The following PEX14 variants were observed in gnomAD, a reference collection of about 807,000 sequenced individuals.
The protein encoded by PEX14 is peroxisomal membrane protein PEX14.
Under a neutral mutation model 49.5 loss-of-function variants are expected in PEX14, and 15 were observed. The ratio of observed to expected loss-of-function variants is 0.30; its 90% CI spans 0.20 to 0.47. The LOEUF (loss-of-function observed/expected upper bound fraction) is 0.47. Ranked by LOEUF, PEX14 falls within the 20% of genes least tolerant of loss-of-function variation. The pLI is 1.00. For synonymous variants in PEX14, 210 were observed against 212.7 expected (o/e 0.99, Z 0.11); for missense variants, 398 against 494.8 (o/e 0.80, Z 1.86).
intron 2 of PEX14, among the ~76,000 whole-genome samples, chr1:10,497,187 C>T (rs1181883567): frequency 1.3e-5 from 2 of 152,168 alleles, no homozygotes; most frequent in African/African-American, 2.4e-5. Context: ...TAAACGGGGG[C>T]ACCAGCTGAG....
intron 3 of PEX14, among the ~76,000 whole-genome samples, chr1:10,582,660 CAG>C (rs1369970450): frequency 2.6e-5 from 4 of 152,140 alleles, no homozygotes; most frequent in African/African-American, 7.2e-5. Flanking sequence ...TAAGGCATAT[CAG>C]GGGCTGATGA....
chr1:10,546,461 A>G (rs1216179171), intron 3 of PEX14, among the ~76,000 whole-genome samples: 1 of 147,216 alleles, frequency 6.8e-6, no homozygotes, highest in East Asian at 2.1e-4. Flanking sequence ...GCTACTTTGG[A>G]GGCTGAGGCA....
chr1:10,519,593 G>C (rs2506884), intron 2 of PEX14, among the ~76,000 whole-genome samples: 123,313 of 152,120 alleles, frequency 0.81, 50,090 homozygotes, highest in Non-Finnish European at 0.83. Context: ...TTCGGTGTAA[G>C]ACTGTGCTGG....
intron 3 of PEX14, among the ~76,000 whole-genome samples, chr1:10,582,364 A>G (rs1018877088): frequency 6.6e-6 from 1 of 152,198 alleles, no homozygotes; most frequent in Non-Finnish European, 1.5e-5. Flanking sequence ...GGATACAGTA[A>G]TGAATAAGGC....
chr1:10,508,362 A>T (rs1197368280), intron 2 of PEX14, among the ~76,000 whole-genome samples: 1 of 151,968 alleles, frequency 6.6e-6, no homozygotes, highest in African/African-American at 2.4e-5. Flanking sequence ...GCCCGCCACC[A>T]TGCCCTGCTA....
intron 2 of PEX14, among the ~76,000 whole-genome samples, chr1:10,503,299 A>G (rs1641717743): frequency 6.8e-6 from 1 of 147,112 alleles, no homozygotes; most frequent in South Asian, 2.1e-4. Context: ...AAAAAAAAAA[A>G]AAAAAAAGAA....
At chr1:10,564,001 A>G (rs1481066674) in intron 3 of PEX14, among the ~76,000 whole-genome samples, 1 of 108,720 alleles carries the variant, frequency 9.2e-6, no homozygotes, top group Non-Finnish European at 2.1e-5. Context: ...AAGGTGAAAC[A>G]TGTTTTTATC....
intron 1 of PEX14, among the ~76,000 whole-genome samples, chr1:10,487,955 A>G (rs901475123): frequency 8.0e-5 from 12 of 150,564 alleles, no homozygotes; most frequent in African/African-American, 2.7e-4. Context: ...TAATTTTTGT[A>G]TTTTTAATTG....
chr1:10,577,584 T>A (rs1272037736), intron 3 of PEX14, among the ~76,000 whole-genome samples: 962 of 19,292 alleles, frequency 0.05, 87 homozygotes, highest in Non-Finnish European at 0.066. Flanking sequence ...TTTTTTTTTT[T>A]TTTTTTTTTT....
At chr1:10,488,242 C>T (rs780648670) in intron 1 of PEX14, among the ~76,000 whole-genome samples, 12 of 151,568 alleles carry the variant, frequency 7.9e-5, no homozygotes, top group South Asian at 2.1e-4. Context: ...CTACAACCTC[C>T]GCCTCCTGAA....
At chr1:10,581,267 G>T (rs1359812657) in intron 3 of PEX14, among the ~76,000 whole-genome samples, 1 of 150,962 alleles carries the variant, frequency 6.6e-6, no homozygotes, top group East Asian at 2.0e-4. Flanking sequence ...CATTCTTGTT[G>T]CCTCTGACCT....
In PEX14 at chr1:10,629,955, G is replaced by A. The variant is rs2124651086; in HGVS notation, c.1102G>A (p.Glu368Lys). The change falls in exon 9 of 9, where the codon GAG (glutamate) becomes AAG (lysine). Residue 368 changes from glutamate to lysine, a missense_variant. This residue lies in a region of PEX14 where 140 missense variants were observed against 155.5 expected (regional missense o/e 0.90). Coordinates refer to ENST00000356607, the MANE Select transcript of PEX14 (RefSeq NM_004565.3). This position sits in a 1 kb window ranked among gnomAD's most constrained non-coding sequence, Gnocchi z 8.5. ...NEQVEKLRRP[E>K]GASNESERD ...GCAGGTGGAGAAGCTGCGGCGGCCC[G>A]AGGGCGCCAGCAACGAGAGTGAGCG... is the stretch of plus-strand genomic sequence containing the variant. The A allele has an allele frequency of 1.9e-6, 3 of 1,611,232 alleles. No homozygotes were observed. The highest frequency in any genetic ancestry group is 2.2e-5 in the East Asian group (1 of 44,786).
At chr1:10,541,493 T>TG (rs548945886) in intron 3 of PEX14, among the ~76,000 whole-genome samples, 1 of 152,176 alleles carries the variant, frequency 6.6e-6, no homozygotes, top group Non-Finnish European at 1.5e-5. Flanking sequence ...GCAGAGCCTC[T>TG]GGGGGCGGGG....
At chr1:10,486,812 G>A (rs1641377552) in intron 1 of PEX14, among the ~76,000 whole-genome samples, 1 of 151,270 alleles carries the variant, frequency 6.6e-6, no homozygotes, top group African/African-American at 2.4e-5. Context: ...TCAGCCTCCT[G>A]AGTAGCTGGG....
At chr1:10,530,708 TCA>T (rs1638625706) in intron 2 of PEX14, among the ~76,000 whole-genome samples, 1 of 152,244 alleles carries the variant, frequency 6.6e-6, no homozygotes. Context: ...TGAGTTGCAG[TCA>T]CACTCTGAGA....
intron 3 of PEX14, among the ~76,000 whole-genome samples, chr1:10,543,277 G>T (rs1639071957): frequency 6.6e-6 from 1 of 152,216 alleles, no homozygotes; most frequent in African/African-American, 2.4e-5. Flanking sequence ...TGGGATTACA[G>T]GGGCCTGCCA....
intron 3 of PEX14, among the ~76,000 whole-genome samples, chr1:10,592,603 C>T (rs1640701250): frequency 6.6e-6 from 1 of 152,128 alleles, no homozygotes; most frequent in Non-Finnish European, 1.5e-5. Context: ...AAGTTTCCTC[C>T]TTATGTGGAA....
intron 3 of PEX14, among the ~76,000 whole-genome samples, chr1:10,558,736 CAAA>C (rs34343338): frequency 1.6e-4 from 18 of 113,430 alleles, no homozygotes; most frequent in Non-Finnish European, 1.1e-4. Context: ...GACCCTGTCT[CAAA>C]AAAAAAAAAA....
At chr1:10,546,522 C>G (rs746531649) in intron 3 of PEX14, among the ~76,000 whole-genome samples, 1 of 143,840 alleles carries the variant, frequency 7.0e-6, no homozygotes. Flanking sequence ...TGAGATTGCG[C>G]CATTGCACTC....
Sources: allele counts gnomAD v4.1 joint callset (sites outside exome capture counted in the v4.1 genomes callset), GRCh38; gene constraint gnomAD v4.1.1; regional missense constraint gnomAD v4.1.1; non-coding constraint Gnocchi (gnomAD v3.1); transcripts MANE v1.5; gene names NCBI Gene and HGNC (gene_info 2026-07-23, HGNC 2026-07-21).